The following ASB3 variants were observed in gnomAD, a reference collection of about 807,000 sequenced individuals.
ASB3 encodes the protein ankyrin repeat and SOCS box protein 3.
Under a neutral mutation model 54.5 loss-of-function variants are expected in ASB3, and 41 were observed. That is an observed-to-expected ratio of 0.75 (90% CI 0.59 to 0.98). The LOEUF is 0.98. Among genes scored for constraint, ASB3 ranks in the 50% least tolerant of loss-of-function variants. The pLI, the probability that ASB3 is intolerant of heterozygous loss-of-function variation, is 0.00. For synonymous variants in ASB3, 266 were observed against 221.2 expected, an observed-to-expected ratio of 1.20 and a Z score of -1.80; for missense variants, 733 against 620.0, an observed-to-expected ratio of 1.18 and a Z score of -1.94.
At position 53,767,992 on chromosome 2, in the gene ASB3, A is replaced by C. The variant is rs1673606427; in HGVS notation, c.-13-2407T>G. ...CTACAGCAGGCGCTTCTGGCAGGGCAGCACGGACCACCGCGGGGTCCCCGG... is the reference window on the plus strand; with the variant it reads ...CTACAGCAGGCGCTTCTGGCAGGGCCGCACGGACCACCGCGGGGTCCCCGG... On this transcript the variant is annotated intron_variant, in intron 1 of 9. Coordinates refer to ENST00000263634, the MANE Select transcript of ASB3 (RefSeq NM_016115.5). 2.5e-6 allele frequency: 4 copies of C among 1,611,336 alleles called. No homozygotes were observed. The Admixed American group carries it at 5.0e-5, about 20-fold the overall frequency.
At chr2:53,756,540 T>A (rs886928414) in intron 2 of ASB3, among the ~76,000 whole-genome samples, 1 of 152,124 alleles carries the variant, frequency 6.6e-6, no homozygotes, top group Non-Finnish European at 1.5e-5. Flanking sequence ...CAGGAAGACA[T>A]TACCATTTGA....
chr2:53,683,044 G>T (rs1668459123), intron 9 of ASB3, among the ~76,000 whole-genome samples: 2 of 152,130 alleles, frequency 1.3e-5, no homozygotes, highest in African/African-American at 4.8e-5. Flanking sequence ...GGGCATCTTT[G>T]TCATGTTCCA....
chr2:53,696,527 A>G (rs1669190403), intron 8 of ASB3, among the ~76,000 whole-genome samples: 1 of 152,044 alleles, frequency 6.6e-6, no homozygotes, highest in Admixed American at 6.6e-5. Context: ...GCAATGTTTG[A>G]TTTTTTCCCC....
chr2:53,754,640 G>A (rs1181117823), intron 2 of ASB3, among the ~76,000 whole-genome samples: 1 of 152,212 alleles, frequency 6.6e-6, no homozygotes, highest in Non-Finnish European at 1.5e-5. Context: ...TATACTTCGG[G>A]CCAATTACTT....
intron 7 of ASB3, among the ~76,000 whole-genome samples, chr2:53,702,051 T>G (rs2103772396): frequency 6.6e-6 from 1 of 152,264 alleles, no homozygotes; most frequent in East Asian, 1.9e-4. Context: ...ACCCCTTTAA[T>G]CCCATATAAT....
intron 3 of ASB3, among the ~76,000 whole-genome samples, chr2:53,730,624 G>A (rs557998635): frequency 3.3e-5 from 5 of 152,154 alleles, no homozygotes; most frequent in Non-Finnish European, 7.4e-5. Flanking sequence ...TCACCATACC[G>A]CTTTCCACAA....
intron 2 of ASB3, among the ~76,000 whole-genome samples, chr2:53,755,587 T>C (rs1313613914): frequency 1.3e-5 from 2 of 152,014 alleles, no homozygotes; most frequent in East Asian, 3.8e-4. Flanking sequence ...ATTTATATCA[T>C]CTTACTATGT....
chr2:53,690,883 C>T (rs2103715929), intron 9 of ASB3, among the ~76,000 whole-genome samples: 1 of 152,226 alleles, frequency 6.6e-6, no homozygotes, highest in East Asian at 1.9e-4. Context: ...GATCCAGATC[C>T]ATTTGTAACA....
At chr2:53,714,642 A>G in intron 6 of ASB3, 61 bp from the exon 7 acceptor site, 3 of 1,546,934 alleles carry the variant, frequency 1.9e-6, no homozygotes, top group Non-Finnish European at 2.6e-6. Flanking sequence ...TGTAGGCAAC[A>G]TTTCTATAGC....
At chr2:53,679,680 C>A (rs1668260661) in intron 9 of ASB3, among the ~76,000 whole-genome samples, 1 of 152,188 alleles carries the variant, frequency 6.6e-6, no homozygotes, top group Non-Finnish European at 1.5e-5. Context: ...ACCCTGAATC[C>A]TTCCCTTTTA....
intron 1 of ASB3, chr2:53,774,435 T>C (rs774640653): frequency 3.5e-5 from 56 of 1,610,674 alleles, no homozygotes; most frequent in Non-Finnish European, 4.4e-5. Context: ...TTAGGAACCT[T>C]GTGCCAGAAG....
intron 5 of ASB3, among the ~76,000 whole-genome samples, chr2:53,717,917 G>C (rs572080189): frequency 4.6e-5 from 7 of 152,074 alleles, no homozygotes; most frequent in Admixed American, 4.6e-4. Context: ...TTTATTAATA[G>C]ACTAGGCCAA....
chr2:53,676,950 G>A (rs1476584237), intron 9 of ASB3, among the ~76,000 whole-genome samples: 1 of 152,002 alleles, frequency 6.6e-6, no homozygotes, highest in East Asian at 1.9e-4. Context: ...TGTATTTTTG[G>A]TAGAGACAGG....
intron 1 of ASB3, among the ~76,000 whole-genome samples, chr2:53,769,041 A>T (rs1195551249): frequency 3.9e-5 from 6 of 152,246 alleles, no homozygotes; most frequent in African/African-American, 1.4e-4. Flanking sequence ...TTGGCTTTTA[A>T]GTAGACTATA....
intron 9 of ASB3, among the ~76,000 whole-genome samples, chr2:53,682,450 A>G (rs1668424097): frequency 6.6e-6 from 1 of 151,860 alleles, no homozygotes; most frequent in African/African-American, 2.4e-5. Flanking sequence ...AATGAGATTA[A>G]TTTTTTATTT....
chr2:53,723,836 A>C (rs1457011644), intron 5 of ASB3, among the ~76,000 whole-genome samples: 1 of 152,166 alleles, frequency 6.6e-6, no homozygotes, highest in African/African-American at 2.4e-5. Context: ...AATGAGTTAG[A>C]GACTCCTTAT....
At chr2:53,703,688 A>T (rs1360956024) in intron 7 of ASB3, among the ~76,000 whole-genome samples, 1 of 152,228 alleles carries the variant, frequency 6.6e-6, no homozygotes, top group Non-Finnish European at 1.5e-5. Flanking sequence ...AAAGTAGATA[A>T]AAGTTTATTA....
intron 6 of ASB3, among the ~76,000 whole-genome samples, chr2:53,714,806 T>C (rs17580080): frequency 0.12 from 18,486 of 152,224 alleles, 1,421 homozygotes; most frequent in Non-Finnish European, 0.17. Context: ...TTAAATACAT[T>C]TGAAACAAAA....
chr2:53,680,650 G>A (rs1002033999), intron 9 of ASB3, among the ~76,000 whole-genome samples: 21 of 152,186 alleles, frequency 1.4e-4, no homozygotes, highest in Non-Finnish European at 1.5e-4. Flanking sequence ...TTTGATACAG[G>A]CATGCAATGC....
Sources: allele counts gnomAD v4.1 joint callset (sites outside exome capture counted in the v4.1 genomes callset), GRCh38; gene constraint gnomAD v4.1.1; transcripts MANE v1.5; gene names NCBI Gene and HGNC (gene_info 2026-07-23, HGNC 2026-07-21).